Variants in PDK2 observed in about 807,000 individuals in gnomAD.
PDK2 encodes pyruvate dehydrogenase kinase, isozyme 2.
In PDK2, 34 loss-of-function variants were observed where a neutral mutation model predicts 50.4. That is an observed-to-expected ratio of 0.68 (90% CI 0.51 to 0.90). PDK2 has a LOEUF of 0.90. PDK2 is among the 40% of genes least tolerant of loss of function. The pLI, the probability that PDK2 is intolerant of heterozygous loss-of-function variation, is 0.00. For missense variants in PDK2, 377 were observed against 544.5 expected, an observed-to-expected ratio of 0.69 and a Z score of 3.06; for synonymous variants, 232 against 216.0, an observed-to-expected ratio of 1.07 and a Z score of -0.65.
intron 3 of PDK2, among the ~76,000 whole-genome samples, chr17:50,105,670 C>G (rs892549838): frequency 6.6e-6 from 1 of 152,164 alleles, no homozygotes; most frequent in African/African-American, 2.4e-5. Flanking sequence ...AGACCCAGGC[C>G]CTGCCATGGG....
chr17:50,095,349 G>A (rs1183405685), upstream of PDK2: 2 of 912,294 alleles, frequency 2.2e-6, no homozygotes, highest in East Asian at 2.7e-5. Flanking sequence ...GGGTAGGGAG[G>A]AGGCGGCCGA....
At chr17:50,098,600 A>G (rs1769649693) in intron 2 of PDK2, 1 of 152,262 alleles carries the variant, frequency 6.6e-6, no homozygotes, top group South Asian at 2.1e-4. Flanking sequence ...AATAGTAGAT[A>G]GAAGAAAATG....
rs1247833206 is a variant in PDK2, at chr17:50,110,937, T to C, written c.*840T>C. On this transcript the variant is annotated 3_prime_UTR_variant, in exon 11 of 11. Transcript: ENST00000503176. ...GACCTTCTGTGTATATAGTTAGTTT[T>C]ATAACCCTGAATGCCCCCACCCTTC... is the stretch of plus-strand genomic sequence containing the variant. 6.6e-6 allele frequency: 1 copy of C among 152,242 alleles called. No homozygotes were observed. The highest frequency in any genetic ancestry group is 1.5e-5 in the Non-Finnish European group (1 of 68,068). 9.4% of individuals were successfully genotyped at this position (152,242 alleles called of 1,614,324 possible). A position where few individuals can be genotyped will look rare whatever the true frequency, so the allele number is the denominator to read the frequency against.
Position 50,106,810 on chromosome 17 carries a change from C to A in PDK2, c.534C>A (p.Gly178=). ...LINQHTLIFD[G]STNPAHPKHI... ...TGCCTGCAGCCCTCATCTTTGATGG[C>A]AGCACCAACCCAGCCCATCCCAAAC... The change falls in exon 5 of 11, where the codon GGC becomes GGA. Residue 178 remains glycine (G), a synonymous_variant. Coordinates refer to ENST00000503176, the MANE Select transcript of PDK2 (RefSeq NM_002611.5). The A allele has an allele frequency of 6.2e-7, 1 of 1,614,088 alleles. No homozygotes were observed. The highest frequency in any genetic ancestry group is 8.5e-7 in the Non-Finnish European group (1 of 1,179,978).
chr17:50,106,333 T>G, intron 4 of PDK2: 2 of 845,334 alleles, frequency 2.4e-6, no homozygotes, highest in Non-Finnish European at 3.4e-6. Flanking sequence ...GAATGTTTAA[T>G]TTAGTATTTA....
chr17:50,108,605 C>T lies in PDK2; in HGVS notation c.862-7C>T. On this transcript the variant is annotated splice_region_variant and splice_polypyrimidine_tract_variant and intron_variant, in intron 8 of 10. Transcript: ENST00000503176. Reference sequence around the variant, plus strand: ...AAAGAATCCCTGACACATCCCATCTCTCCCAGATGAGTGACCGAGGTGGGG... The same window carrying T: ...AAAGAATCCCTGACACATCCCATCTTTCCCAGATGAGTGACCGAGGTGGGG... 4 of 1,603,446 alleles carry T rather than the reference C, an allele frequency of 2.5e-6. No homozygotes were observed. Among genetic ancestry groups the T allele is most frequent in the Non-Finnish European group, 3.4e-6 (4 of 1,172,498 alleles).
At chr17:50,108,483 G>A (rs987209548) in intron 8 of PDK2, 66 bp downstream of exon 8, 92 of 1,441,156 alleles carry the variant, frequency 6.4e-5, no homozygotes, top group Non-Finnish European at 7.9e-5. Context: ...GCCAGGAGAC[G>A]GGCTTTCCTT....
intron 6 of PDK2, 125 bp downstream of exon 6, chr17:50,107,278 A>T (rs1377159826): frequency 1.4e-6 from 1 of 705,128 alleles, no homozygotes; most frequent in Non-Finnish European, 2.5e-6. Flanking sequence ...TTATATTATT[A>T]ATTCATTTGA....
In PDK2 at chr17:50,110,024, C is replaced by G; in HGVS notation, c.1151C>G (p.Thr384Ser). The G allele has an allele frequency of 6.2e-7, 1 of 1,608,568 alleles. No homozygotes were observed. The change falls in exon 11 of 11, where the codon ACC (threonine) becomes AGC (serine). Residue 384 changes from threonine to serine, a missense_variant. By Grantham distance (58) the Thr-to-Ser change is moderately conservative (BLOSUM62 1). Around this residue, in one of 3 missense-constraint regions of PDK2, gnomAD observed 214 missense variants for 294.0 expected, o/e 0.73. Transcript: ENST00000503176. ...YNKSAWRHYQ[T>S]IQEAGDWCVP... ...AAGTCAGCCTGGCGCCACTACCAGA[C>G]CATCCAGGAGGCCGGCGACTGGTGT...
At chr17:50,098,928 C>G (rs916402850) in intron 2 of PDK2, 1 of 152,274 alleles carries the variant, frequency 6.6e-6, no homozygotes, top group Non-Finnish European at 1.5e-5. Flanking sequence ...AAAGGAATAG[C>G]CTGGGCAAAG....
intron 1 of PDK2, 67 bp downstream of exon 1, chr17:50,095,620 C>A: frequency 6.6e-7 from 1 of 1,504,044 alleles, no homozygotes; most frequent in Non-Finnish European, 9.0e-7. Context: ...CAGCCGGGGG[C>A]TAGGGGGACG....
chr17:50,094,780 C>A (rs1339952093), upstream of PDK2: 2 of 152,186 alleles, frequency 1.3e-5, no homozygotes, highest in African/African-American at 4.8e-5. Context: ...GGGTGGGCTG[C>A]ATATATACAG....
intron 1 of PDK2, among the ~76,000 whole-genome samples, chr17:50,096,558 C>T (rs142302155): frequency 1.3e-5 from 2 of 152,262 alleles, no homozygotes; most frequent in African/African-American, 4.8e-5. Context: ...TGTCTGCCTG[C>T]ACCCCTGCCC....
intron 2 of PDK2, 56 bp from the exon 3 acceptor site, chr17:50,105,315 T>TA: frequency 2.2e-6 from 3 of 1,345,268 alleles, no homozygotes; most frequent in Admixed American, 2.2e-5. Context: ...ATGAAGTGGG[T>TA]GAGGAGGGGC....
At chr17:50,095,154 CG>C (rs1218935261), upstream of PDK2, 2 of 370,106 alleles carry the variant, frequency 5.4e-6, no homozygotes, top group Admixed American at 4.6e-5. Context: ...GGGAACTCGG[CG>C]CGGCCTCCCC....
chr17:50,108,771 C>CTCT (rs112609935), intron 9 of PDK2, 52 bp downstream of exon 9: 18 of 1,108,984 alleles, frequency 1.6e-5, no homozygotes, highest in Middle Eastern at 2.0e-4. Flanking sequence ...GGCTTCTCTC[C>CTCT]TCACTCACTT....
chr17:50,110,222 C>G lies in PDK2; in HGVS notation c.*125C>G. On this transcript the variant is annotated 3_prime_UTR_variant, in exon 11 of 11. Transcript: ENST00000503176. ...TCTCCCTGATGACCAGGTTCTGTCTCTATGGAAGTCACTGCGGTGATAGGT... is the reference window on the plus strand; with the variant it reads ...TCTCCCTGATGACCAGGTTCTGTCTGTATGGAAGTCACTGCGGTGATAGGT... 9.3e-7 allele frequency: 1 copy of G among 1,071,514 alleles called. No homozygotes were observed. Among genetic ancestry groups the G allele is most frequent in the Non-Finnish European group, 1.3e-6 (1 of 767,148 alleles). 66.4% of individuals were successfully genotyped at this position (1,071,514 alleles called of 1,614,324 possible). A position where few individuals can be genotyped will look rare whatever the true frequency, so the allele number is the denominator to read the frequency against.
At chr17:50,099,554 G>A (rs1191428905) in intron 2 of PDK2, among the ~76,000 whole-genome samples, 1 of 152,254 alleles carries the variant, frequency 6.6e-6, no homozygotes, top group African/African-American at 2.4e-5. Context: ...AGCACTTTGG[G>A]AGGCCGAGGC....
In PDK2 at chr17:50,101,430, C is replaced by T. The variant is rs9906707; in HGVS notation, c.260+3866C>T. Among the ~76,000 whole-genome samples the T allele has an allele frequency of 0.05, 7,535 of 152,208 alleles. 196 individuals carry two copies. The highest frequency in any genetic ancestry group is 0.08 in the South Asian group (385 of 4,830). On this transcript the variant is annotated intron_variant, in intron 2 of 10. Transcript: ENST00000503176. This position sits in a 1 kb window ranked among gnomAD's most constrained non-coding sequence, Gnocchi z 4.2. ...GGCCTCTTTAGGGCACAATCAGCAG[C>T]GGAACCCAAACCTGCCTGGCTCAGA...
Sources: gnomAD v4.1 joint callset for allele counts (sites outside exome capture counted in the v4.1 genomes callset) on GRCh38, gnomAD v4.1.1 for gene constraint, gnomAD v4.1.1 regional missense constraint, Gnocchi (gnomAD v3.1) non-coding constraint, MANE v1.5 for transcripts, NCBI Gene and HGNC (gene_info 2026-07-23, HGNC 2026-07-21) for gene names.